RBFOX1: variants seen among roughly 807,000 people sequenced by gnomAD.
The protein encoded by RBFOX1 is RNA binding fox-1 homolog 1.
In RBFOX1, 8 loss-of-function variants were observed where a neutral mutation model predicts 57.7. That is an observed-to-expected ratio of 0.14 (90% CI 0.08 to 0.25). The LOEUF (loss-of-function observed/expected upper bound fraction) is 0.25. Among genes scored for constraint, RBFOX1 ranks in the 10% least tolerant of loss-of-function variants. The pLI, the probability that RBFOX1 is intolerant of heterozygous loss-of-function variation, is 1.00. For synonymous variants in RBFOX1, 326 were observed against 222.4 expected, an observed-to-expected ratio of 1.47 and a Z score of -4.15; for missense variants, 611 against 548.5, an observed-to-expected ratio of 1.11 and a Z score of -1.14.
At chr16:7,327,986 A>G (rs577092127) in intron 4 of RBFOX1, among the ~76,000 whole-genome samples, 2 of 152,216 alleles carry the variant, frequency 1.3e-5, no homozygotes, top group South Asian at 2.1e-4. Flanking sequence ...GACACAGCCA[A>G]CACTTCTGTT....
At chr16:6,960,230 T>C (rs1363514307) in intron 3 of RBFOX1, among the ~76,000 whole-genome samples, 1 of 152,090 alleles carries the variant, frequency 6.6e-6, no homozygotes, top group Admixed American at 6.6e-5. Flanking sequence ...CCTGGACCCA[T>C]TTAGATTAAG....
chr16:7,166,720 C>A (rs141222785), intron 4 of RBFOX1, among the ~76,000 whole-genome samples: 3 of 152,060 alleles, frequency 2.0e-5, no homozygotes, highest in Admixed American at 1.3e-4. Context: ...TGACTCTAAC[C>A]GGCATGTCAA....
intron 2 of RBFOX1, among the ~76,000 whole-genome samples, chr16:6,613,176 C>T (rs1270909707): frequency 6.6e-6 from 1 of 152,080 alleles, no homozygotes; most frequent in East Asian, 1.9e-4. Flanking sequence ...GTGGGTCCCT[C>T]ACAAGGCAGC....
chr16:7,625,755 G>T (rs574226208), intron 10 of RBFOX1, among the ~76,000 whole-genome samples: 6 of 152,082 alleles, frequency 3.9e-5, no homozygotes, highest in African/African-American at 1.2e-4. Flanking sequence ...AAAAGGGAAC[G>T]GGCAGACATT....
intron 13 of RBFOX1, among the ~76,000 whole-genome samples, chr16:7,673,613 G>T (rs2072312596): frequency 6.6e-6 from 1 of 152,134 alleles, no homozygotes; most frequent in Non-Finnish European, 1.5e-5. Flanking sequence ...TACCTCAAAG[G>T]ACCTCTAGAG....
intron 1 of RBFOX1, among the ~76,000 whole-genome samples, chr16:5,297,767 A>G (rs1161818281): frequency 1.3e-5 from 2 of 152,226 alleles, no homozygotes; most frequent in Non-Finnish European, 2.9e-5. Flanking sequence ...GTTGCATGTA[A>G]GATTTTAGGT....
chr16:6,156,217 A>G (rs1245442798), intron 1 of RBFOX1, among the ~76,000 whole-genome samples: 1 of 152,178 alleles, frequency 6.6e-6, no homozygotes, highest in Non-Finnish European at 1.5e-5. Flanking sequence ...GCACACATGA[A>G]CTAATGCAGG....
rs117332512 is a variant in RBFOX1 at position 7,287,131 on chromosome 16, G to A, written c.28-231016G>A. Among the ~76,000 whole-genome samples, 528 of 152,302 alleles carry A rather than the reference G, an allele frequency of 3.5e-3. 2 individuals carry two copies. The highest frequency in any genetic ancestry group is 5.2e-3 in the Non-Finnish European group (356 of 68,036). On this transcript the variant is annotated intron_variant, in intron 4 of 15. Transcript: ENST00000550418. ...CATAAATATTGGTGAAGCCAATGGAGTTAGCACAGTACTTAATAGAGAGAG... is the reference window on the plus strand; with the variant it reads ...CATAAATATTGGTGAAGCCAATGGAATTAGCACAGTACTTAATAGAGAGAG...
At chr16:6,053,358 GTGTCTGGCCC>G (rs1301962920) in intron 1 of RBFOX1, among the ~76,000 whole-genome samples, 1 of 152,212 alleles carries the variant, frequency 6.6e-6, no homozygotes, top group East Asian at 1.9e-4. Context: ...CAATTAGTGA[GTGTCTGGCCC>G]TGAAGAATGG....
chr16:7,020,449 G>C (rs959796371), intron 3 of RBFOX1, among the ~76,000 whole-genome samples: 3 of 152,050 alleles, frequency 2.0e-5, no homozygotes, highest in African/African-American at 7.2e-5. Flanking sequence ...TTGAACTCCT[G>C]ATCTTGTCAT....
intron 4 of RBFOX1, among the ~76,000 whole-genome samples, chr16:5,876,966 G>T (rs1328210890): frequency 1.3e-5 from 2 of 152,176 alleles, no homozygotes; most frequent in Non-Finnish European, 2.9e-5. Flanking sequence ...GGGAGTGCTG[G>T]GATGTTCAGA....
chr16:7,436,419 G>A (rs2098721758), intron 4 of RBFOX1, among the ~76,000 whole-genome samples: 1 of 152,148 alleles, frequency 6.6e-6, no homozygotes, highest in Middle Eastern at 3.2e-3. Context: ...TTCAAAGGTT[G>A]GGGATGTGTG....
intron 2 of RBFOX1, among the ~76,000 whole-genome samples, chr16:5,516,355 C>T (rs8054886): frequency 0.23 from 34,759 of 152,028 alleles, 4,465 homozygotes; most frequent in African/African-American, 0.36. Context: ...CCATTATTTT[C>T]TGTCTTCCAT....
chr16:7,522,360 A>T (rs1480145271), intron 5 of RBFOX1, among the ~76,000 whole-genome samples: 6 of 152,142 alleles, frequency 3.9e-5, no homozygotes, highest in Admixed American at 3.9e-4. Flanking sequence ...CATCAATGGG[A>T]TGTTCAGATT....
chr16:6,010,501 G>A (rs562250224), intron 4 of RBFOX1, among the ~76,000 whole-genome samples: 19 of 152,254 alleles, frequency 1.2e-4, no homozygotes, highest in Admixed American at 7.2e-4. Context: ...CCCCACTCCT[G>A]GCCATTGGGC....
At chr16:7,245,127 C>G (rs12103123) in intron 4 of RBFOX1, among the ~76,000 whole-genome samples, 19,990 of 152,092 alleles carry the variant, frequency 0.13, 1,902 homozygotes, top group African/African-American at 0.27. Flanking sequence ...GTTACTTAGT[C>G]TAGATTATTT....
chr16:7,201,688 C>G (rs8054217), intron 4 of RBFOX1, among the ~76,000 whole-genome samples: 14,910 of 152,040 alleles, frequency 0.098, 779 homozygotes, highest in Non-Finnish European at 0.11. Context: ...GGTCTTGAAT[C>G]CAGACCTCAG....
intron 3 of RBFOX1, among the ~76,000 whole-genome samples, chr16:6,786,206 A>AG (rs1480632489): frequency 1.7e-4 from 26 of 152,148 alleles, no homozygotes; most frequent in African/African-American, 6.3e-4. Context: ...TTCCTTGGGG[A>AG]GGGGTATGTC....
At chr16:5,514,095 C>G (rs2043700811) in intron 2 of RBFOX1, among the ~76,000 whole-genome samples, 1 of 152,130 alleles carries the variant, frequency 6.6e-6, no homozygotes, top group Non-Finnish European at 1.5e-5. Flanking sequence ...GACTTCTTGT[C>G]TAATCACGTT....
Sources: gnomAD v4.1 joint callset for allele counts (sites outside exome capture counted in the v4.1 genomes callset) on GRCh38, gnomAD v4.1.1 for gene constraint, MANE v1.5 for transcripts, NCBI Gene and HGNC (gene_info 2026-07-23, HGNC 2026-07-21) for gene names.